DLGAP2: variants seen among roughly 807,000 people sequenced by gnomAD.
DLGAP2 encodes DLG associated protein 2, also known as disks large-associated protein 2.
A neutral mutation model predicts 100.3 loss-of-function variants in DLGAP2; 26 were observed. The observed-to-expected ratio is 0.26, with a 90% confidence interval of 0.19 to 0.36. DLGAP2 has a LOEUF of 0.36. Ranked by LOEUF, DLGAP2 falls within the 10% of genes least tolerant of loss-of-function variation. The pLI is 1.00. For missense variants in DLGAP2, 1,858 were observed against 1,453.2 expected (o/e 1.28, Z -4.53); for synonymous variants, 886 against 630.1 (o/e 1.41, Z -6.08).
At chr8:1,162,096 T>C (rs1796903406) in intron 2 of DLGAP2, among the ~76,000 whole-genome samples, 1 of 152,192 alleles carries the variant, frequency 6.6e-6, no homozygotes, top group Non-Finnish European at 1.5e-5. Flanking sequence ...ATCTCATTAA[T>C]GCCCGTAAGC....
intron 2 of DLGAP2, among the ~76,000 whole-genome samples, chr8:1,170,526 G>T (rs897387266): frequency 2.7e-5 from 4 of 150,598 alleles, no homozygotes; most frequent in Non-Finnish European, 5.9e-5. Flanking sequence ...ACTCTTTTTG[G>T]TTGGTAAGCT....
chr8:1,470,504 C>A (rs557783351), intron 3 of DLGAP2, among the ~76,000 whole-genome samples: 1 of 152,064 alleles, frequency 6.6e-6, no homozygotes, highest in Non-Finnish European at 1.5e-5. Context: ...TTCACAGAAT[C>A]GTTTAAATAC....
chr8:1,124,985 A>G (rs1420248602), intron 2 of DLGAP2, among the ~76,000 whole-genome samples: 1 of 152,126 alleles, frequency 6.6e-6, no homozygotes. Context: ...CTGCCCCCAC[A>G]CGGAGGAAGC....
At chr8:1,069,307 G>A (rs901063787) in intron 2 of DLGAP2, among the ~76,000 whole-genome samples, 4 of 152,124 alleles carry the variant, frequency 2.6e-5, no homozygotes, top group South Asian at 2.1e-4. Flanking sequence ...TGGACAGGTC[G>A]CGAGGAGGCC....
chr8:1,554,554 C>T (rs555946829), intron 5 of DLGAP2, among the ~76,000 whole-genome samples: 2 of 152,204 alleles, frequency 1.3e-5, no homozygotes, highest in East Asian at 1.9e-4. Context: ...ATTGAGGGTC[C>T]CTCTGCTGCC....
At chr8:1,302,853 T>G (rs1448698918) in intron 3 of DLGAP2, among the ~76,000 whole-genome samples, 2 of 152,260 alleles carry the variant, frequency 1.3e-5, no homozygotes, top group East Asian at 1.9e-4. Context: ...GTCGATTCTT[T>G]CCTGCTGTTC....
chr8:831,259 A>G (rs1585910042), intron 1 of DLGAP2, among the ~76,000 whole-genome samples: 1 of 150,468 alleles, frequency 6.6e-6, no homozygotes, highest in African/African-American at 2.5e-5. Flanking sequence ...GCATGTGCAC[A>G]ACATGCAGGT....
chr8:1,438,697 A>G (rs1797729723), intron 3 of DLGAP2, among the ~76,000 whole-genome samples: 1 of 152,238 alleles, frequency 6.6e-6, no homozygotes, highest in African/African-American at 2.4e-5. Flanking sequence ...CTATCACAAT[A>G]CACACTTCAT....
chr8:1,605,852 A>G (rs2957072), intron 6 of DLGAP2, among the ~76,000 whole-genome samples: 33,122 of 152,174 alleles, frequency 0.22, 4,433 homozygotes, highest in East Asian at 0.47. Context: ...AAATGTTTAA[A>G]ATATGCCACA....
At chr8:861,559 A>T (rs1258860625) in intron 1 of DLGAP2, among the ~76,000 whole-genome samples, 1 of 152,222 alleles carries the variant, frequency 6.6e-6, no homozygotes, top group African/African-American at 2.4e-5. Context: ...AAATTAATAA[A>T]CAGTCAGGTA....
intron 3 of DLGAP2, among the ~76,000 whole-genome samples, chr8:1,426,598 C>A (rs1262022225): frequency 1.3e-5 from 2 of 152,164 alleles, no homozygotes; most frequent in South Asian, 2.1e-4. Context: ...AATCCCCAAC[C>A]TGGACAGATG....
intron 2 of DLGAP2, among the ~76,000 whole-genome samples, chr8:997,867 A>G (rs1335445378): frequency 9.3e-6 from 1 of 106,982 alleles, no homozygotes; most frequent in African/African-American, 2.8e-5. Flanking sequence ...CATACACACA[A>G]ACACACATAC....
rs116184993 is a variant in DLGAP2, at chr8:1,553,293, G to A, written c.1230+3610G>A. Among the ~76,000 whole-genome samples, 909 of 152,314 alleles carry A rather than the reference G, an allele frequency of 6.0e-3. 10 individuals carry two copies. Among genetic ancestry groups the A allele is most frequent in the African/African-American group, 0.021 (852 of 41,558 alleles). On this transcript the variant is annotated intron_variant, in intron 5 of 14. Transcript: ENST00000637795. ...TCTTCTAGTGTCTTCCCCACCTGGCGTCGCCCGGCCGCAACCCTGGCCCTC... is the reference window on the plus strand; with the variant it reads ...TCTTCTAGTGTCTTCCCCACCTGGCATCGCCCGGCCGCAACCCTGGCCCTC...
chr8:794,642 A>C lies in DLGAP2; in HGVS notation c.18+56817A>C, dbSNP rs763923221. ...GGCAGGCCAGGTGTTCCTTGCCCGC[A>C]TTCCTGTAAACCCACAACCTTCCAG... On this transcript the variant is annotated intron_variant, in intron 1 of 14. Transcript: ENST00000637795. Among the ~76,000 whole-genome samples, 5 of 149,312 alleles carry C rather than the reference A, an allele frequency of 3.3e-5. No homozygotes were observed. The East Asian group carries it at 1.3e-3, about 37-fold the overall frequency.
intron 1 of DLGAP2, among the ~76,000 whole-genome samples, chr8:870,845 C>G (rs1233115536): frequency 6.6e-6 from 1 of 152,150 alleles, no homozygotes. Flanking sequence ...GGCTCTCTTT[C>G]CCTCACCGCT....
chr8:1,030,102 A>G lies in DLGAP2; in HGVS notation c.73+122136A>G, dbSNP rs561704312. Among the ~76,000 whole-genome samples the G allele has an allele frequency of 5.9e-5, 9 of 152,338 alleles. No individual in the cohort carries two copies. In the South Asian group the frequency reaches 1.7e-3, roughly 28 times the overall value. Reference sequence around the variant, plus strand: ...ATGTTAACTTTGTAAATCTTAAAATACATACTTTCACACCAGGAAATAATG... The same window carrying G: ...ATGTTAACTTTGTAAATCTTAAAATGCATACTTTCACACCAGGAAATAATG... On this transcript the variant is annotated intron_variant, in intron 2 of 14. Transcript: ENST00000637795.
intron 1 of DLGAP2, among the ~76,000 whole-genome samples, chr8:761,124 C>T (rs568409991): frequency 3.3e-5 from 5 of 152,254 alleles, no homozygotes; most frequent in Non-Finnish European, 7.4e-5. Context: ...CGTCTCTGCC[C>T]GGAGTGACCA....
At chr8:1,032,349 G>T (rs1194191810) in intron 2 of DLGAP2, among the ~76,000 whole-genome samples, 1 of 152,212 alleles carries the variant, frequency 6.6e-6, no homozygotes, top group Non-Finnish European at 1.5e-5. Flanking sequence ...CCGTCTGCCT[G>T]CCTGTCACTC....
intron 1 of DLGAP2, chr8:738,114 C>G (rs1486768599): frequency 4.8e-6 from 1 of 207,782 alleles, no homozygotes; most frequent in Non-Finnish European, 9.4e-6. Context: ...CACGGGGCCG[C>G]GGAGGTGTGA....
Sources: allele counts gnomAD v4.1 joint callset (sites outside exome capture counted in the v4.1 genomes callset), GRCh38; gene constraint gnomAD v4.1.1; transcripts MANE v1.5; gene names NCBI Gene and HGNC (gene_info 2026-07-23, HGNC 2026-07-21).